Variants in COL18A1 observed in about 807,000 individuals in gnomAD.
COL18A1 encodes collagen alpha-1(XVIII) chain.
A neutral mutation model predicts 168.0 loss-of-function variants in COL18A1; 133 were observed. That is an observed-to-expected ratio of 0.79 (90% CI 0.69 to 0.91). The LOEUF is 0.91. Among genes scored for constraint, COL18A1 ranks in the 40% least tolerant of loss-of-function variants. COL18A1 has a pLI of 0.00. For missense variants in COL18A1, 2,126 were observed against 1,925.4 expected, an observed-to-expected ratio of 1.10 and a Z score of -1.95; for synonymous variants, 949 against 809.0, an observed-to-expected ratio of 1.17 and a Z score of -2.94.
intron 41 of COL18A1, 53 bp downstream of exon 41, chr21:45,511,279 G>C: frequency 2.1e-6 from 2 of 956,048 alleles, no homozygotes; most frequent in South Asian, 2.8e-5. Context: ...CAGGGAAGGC[G>C]GGCGGGCGGG....
chr21:45,466,545 G>GCT (rs1568890646), intron 2 of COL18A1, among the ~76,000 whole-genome samples: 1 of 152,232 alleles, frequency 6.6e-6, no homozygotes, highest in African/African-American at 2.4e-5. Flanking sequence ...TTTGATTCCA[G>GCT]GACATCTGAG....
chr21:45,512,200 C>G lies in COL18A1; in HGVS notation c.3822C>G (p.Ser1274Arg), dbSNP rs768263848. 1 of 1,612,338 alleles carries G rather than the reference C, an allele frequency of 6.2e-7. No homozygotes were observed. Among genetic ancestry groups the G allele is most frequent in the East Asian group, 2.2e-5 (1 of 44,840 alleles). The stretch of plus-strand genomic sequence containing the variant: ...GCGCGTCTTACAGGCCCCAGAAGAG[C>G]GTGTGGCATGGCTCGGACCCCAACG... ...VLRHPTWPQK[S>R]VWHGSDPNGR... Residue 1274 changes from serine (S) to arginine (R), a missense_variant, in exon 42 of 42, where the codon AGC (serine) becomes AGG (arginine). Ser to Arg is a moderately radical substitution (Grantham distance 110). Transcript: ENST00000651438.
intron 32 of COL18A1, among the ~76,000 whole-genome samples, chr21:45,501,827 C>G (rs11702331): frequency 2.8e-4 from 12 of 42,414 alleles, no homozygotes; most frequent in African/African-American, 1.1e-3. Flanking sequence ...CCCAGGGGCT[C>G]CACAGCCGGT....
chr21:45,499,520 G>A (rs8128847), intron 32 of COL18A1, among the ~76,000 whole-genome samples: 13,828 of 66,644 alleles, frequency 0.21, 1,522 homozygotes, highest in Middle Eastern at 0.28. Flanking sequence ...GGGCTGCCCC[G>A]CATGGCATCC....
chr21:45,407,020 G>A (rs1030332730), intron 2 of COL18A1, among the ~76,000 whole-genome samples: 6 of 152,192 alleles, frequency 3.9e-5, no homozygotes, highest in African/African-American at 1.4e-4. Context: ...GAATGTGGAA[G>A]GCGGGTGGCC....
At chr21:45,475,377 G>A (rs2035610349) in intron 4 of COL18A1, 99 bp from the exon 5 acceptor site, 1 of 1,090,044 alleles carries the variant, frequency 9.2e-7, no homozygotes, top group Non-Finnish European at 1.4e-6. Context: ...AGGGGGCCTG[G>A]AGGAGGCGAG....
chr21:45,433,531 G>A (rs2034022076), intron 2 of COL18A1, among the ~76,000 whole-genome samples: 1 of 152,212 alleles, frequency 6.6e-6, no homozygotes, highest in South Asian at 2.1e-4. Context: ...ACAGATGCCG[G>A]CCCAGGGCCT....
rs8199 is a variant in COL18A1 at position 45,512,469 on chromosome 21, G to A, written c.*71G>A. Reference sequence around the variant, plus strand: ...GAAGCCCCCACCGTGGGCAGGGAGCGGCCGGCCAGCCCCTGGCCCCAGGAC... The same window carrying A: ...GAAGCCCCCACCGTGGGCAGGGAGCAGCCGGCCAGCCCCTGGCCCCAGGAC... On this transcript the variant is annotated 3_prime_UTR_variant, in exon 42 of 42. Coordinates refer to ENST00000651438, the MANE Select transcript of COL18A1 (RefSeq NM_001379500.1). The A allele has an allele frequency of 0.44, 654,744 of 1,481,350 alleles. 145,859 individuals carry two copies. Among genetic ancestry groups the A allele is most frequent in the East Asian group, 0.57 (23,572 of 41,418 alleles). 91.8% of individuals were successfully genotyped at this position (1,481,350 alleles called of 1,614,324 possible).
intron 15 of COL18A1, among the ~76,000 whole-genome samples, chr21:45,484,229 T>C (rs528660260): frequency 7.2e-6 from 1 of 139,164 alleles, no homozygotes; most frequent in African/African-American, 2.8e-5. Context: ...CTCCAGCATA[T>C]GTGCACACAC....
chr21:45,506,054 G>T, intron 37 of COL18A1, 88 bp downstream of exon 37: 1 of 1,593,658 alleles, frequency 6.3e-7, no homozygotes. Context: ...CTCAGGCCCC[G>T]GACAGGGATG....
At chr21:45,499,942 C>T (rs189001706) in intron 32 of COL18A1, among the ~76,000 whole-genome samples, 105 of 152,248 alleles carry the variant, frequency 6.9e-4, no homozygotes, top group Admixed American at 4.4e-3. Flanking sequence ...GTAAGTATGA[C>T]GAGGGTAGAT....
At position 45,477,938 on chromosome 21, in the gene COL18A1, C is replaced by T. The variant is rs370965213; in HGVS notation, c.1194C>T (p.Asp398=). 74 of 1,556,510 alleles carry T rather than the reference C, an allele frequency of 4.8e-5. No individual in the cohort carries two copies. Among genetic ancestry groups the T allele is most frequent in the East Asian group, 1.9e-4 (8 of 41,836 alleles). Residue 398 remains aspartate, a synonymous_variant, in exon 8 of 42, where the codon GAC becomes GAT. Transcript: ENST00000651438. ...GACCCCCAGGGCCTCCGGGGAGGGA[C>T]GGCACCCCTGGAAGGGACGGCGAGC... is the stretch of plus-strand genomic sequence containing the variant. ...PQGPPGPPGR[D]GTPGRDGEPG...
At chr21:45,416,419 G>T (rs2033446308) in intron 2 of COL18A1, among the ~76,000 whole-genome samples, 1 of 152,102 alleles carries the variant, frequency 6.6e-6, no homozygotes, top group African/African-American at 2.4e-5. Flanking sequence ...GGTGGTGTGG[G>T]GACCGCGAGG....
At chr21:45,421,696 T>C (rs757447041) in intron 2 of COL18A1, 15 of 456,064 alleles carry the variant, frequency 3.3e-5, no homozygotes, top group Non-Finnish European at 5.4e-5. Context: ...GTTGGCCGGG[T>C]ACTTGCCGTG....
At chr21:45,409,184 T>A (rs914276080) in intron 2 of COL18A1, among the ~76,000 whole-genome samples, 9 of 152,032 alleles carry the variant, frequency 5.9e-5, no homozygotes, top group Non-Finnish European at 1.2e-4. Flanking sequence ...CGGGTGCCTG[T>A]CAGAGAACAA....
Position 45,438,326 on chromosome 21 carries a change from GCA to G in COL18A1, c.107-29904_107-29903del, listed in dbSNP as rs745752564. 1.4e-3 allele frequency among the ~76,000 whole-genome samples: 67 copies of G among 46,938 alleles called. 3 individuals carry two copies. The highest frequency in any genetic ancestry group is 2.8e-3 in the Admixed American group (11 of 3,940). The allele number at this position is 46,938 out of a possible 152,430, so 30.8% of individuals were successfully genotyped here. A position where few individuals can be genotyped will look rare whatever the true frequency, so the allele number is the denominator to read the frequency against. On this transcript the variant is annotated intron_variant, in intron 2 of 41. Coordinates refer to ENST00000651438, the MANE Select transcript of COL18A1 (RefSeq NM_001379500.1). ...CACTCAGACACACAGGCACTCTCCT[GCA>G]CACACACACACTCACACACTCAGAC...
chr21:45,468,170 T>C lies in COL18A1; in HGVS notation c.107-72T>C, dbSNP rs553883580. On this transcript the variant is annotated intron_variant, in intron 2 of 41. Transcript: ENST00000651438. ...TCCTTTCTGCCCCTGCCTGGCTGCCTCTCCAGGCCGCGTCGGTGGCCCCTG... is the reference window on the plus strand; with the variant it reads ...TCCTTTCTGCCCCTGCCTGGCTGCCCCTCCAGGCCGCGTCGGTGGCCCCTG... 74 of 1,551,456 alleles carry C rather than the reference T, an allele frequency of 4.8e-5. No homozygotes were observed. In the African/African-American group the frequency reaches 8.1e-4, roughly 17 times the overall value.
In COL18A1 at chr21:45,510,044, A is replaced by G; in HGVS notation, c.3496-20A>G. On this transcript the variant is annotated intron_variant, in intron 39 of 41. Coordinates refer to ENST00000651438, the MANE Select transcript of COL18A1 (RefSeq NM_001379500.1). ...GGGGCAGCGTGGGACACAGCCCGTG[A>G]CGCGCCCCTCTCCCCGCAGCTCCAC... The G allele has an allele frequency of 2.6e-6, 4 of 1,542,836 alleles. No homozygotes were observed. Among genetic ancestry groups the G allele is most frequent in the Non-Finnish European group, 2.6e-6 (3 of 1,150,090 alleles).
At position 45,405,242 on chromosome 21, in the gene COL18A1, G is replaced by A; in HGVS notation, c.11+1G>A. 7.2e-6 allele frequency: 1 copy of A among 138,704 alleles called. No homozygotes were observed. Among genetic ancestry groups the A allele is most frequent in the Non-Finnish European group, 1.2e-5 (1 of 84,684 alleles). 8.6% of individuals were successfully genotyped at this position (138,704 alleles called of 1,614,324 possible). On this transcript the variant is annotated splice_donor_variant, in intron 1 of 41. Transcript: ENST00000651438. LOFTEE classifies it high-confidence loss of function. ...GTCCTGGGGAGAGCATGGCGCCGAG[G>A]TGAGGCCGGGGCTGCGGGCAGGGGT...
Sources: gnomAD v4.1 joint callset for allele counts (sites outside exome capture counted in the v4.1 genomes callset) on GRCh38, gnomAD v4.1.1 for gene constraint, MANE v1.5 for transcripts, NCBI Gene and HGNC (gene_info 2026-07-23, HGNC 2026-07-21) for gene names.